Variants in PSD3 observed in about 807,000 individuals in gnomAD.
The protein encoded by PSD3 is PH and SEC7 domain-containing protein 3.
In PSD3, 49 loss-of-function variants were observed where a neutral mutation model predicts 105.5. The observed-to-expected ratio is 0.46, with a 90% CI of 0.37 to 0.59. The LOEUF is 0.59. Ranked by LOEUF, PSD3 falls within the 20% of genes least tolerant of loss-of-function variation. PSD3 has a pLI of 0.00. For synonymous variants in PSD3, 557 were observed against 457.8 expected, an observed-to-expected ratio of 1.22 and a Z score of -2.77; for missense variants, 1,561 against 1,263.8, an observed-to-expected ratio of 1.24 and a Z score of -3.57.
intron 4 of PSD3, among the ~76,000 whole-genome samples, chr8:18,829,382 T>A (rs1456838209): frequency 6.6e-6 from 1 of 152,162 alleles, no homozygotes; most frequent in Non-Finnish European, 1.5e-5. Context: ...AACCCAAGAA[T>A]CTTGAGATAC....
At chr8:18,556,444 G>A in intron 14 of PSD3, 92 bp from the exon 15 acceptor site, 2 of 1,360,180 alleles carry the variant, frequency 1.5e-6, no homozygotes, top group South Asian at 2.8e-5. Flanking sequence ...TGTGCTGAAT[G>A]ACTTTAATTC....
intron 9 of PSD3, among the ~76,000 whole-genome samples, chr8:18,756,987 C>A (rs1030536245): frequency 1.4e-5 from 2 of 143,338 alleles, no homozygotes; most frequent in East Asian, 4.0e-4. Context: ...ATTTAATTCT[C>A]CTAACCGCTC....
At chr8:18,850,162 G>A (rs1379558029) in intron 4 of PSD3, among the ~76,000 whole-genome samples, 1 of 152,206 alleles carries the variant, frequency 6.6e-6, no homozygotes, top group Non-Finnish European at 1.5e-5. Context: ...TGGATGAAAA[G>A]CATTGAAAAC....
intron 9 of PSD3, among the ~76,000 whole-genome samples, chr8:18,690,203 A>T (rs1800896337): frequency 6.6e-6 from 1 of 152,172 alleles, no homozygotes; most frequent in African/African-American, 2.4e-5. Flanking sequence ...CTGTACCAAT[A>T]GCGTAGGAAC....
At chr8:18,553,685 T>A (rs1367922076) in intron 15 of PSD3, among the ~76,000 whole-genome samples, 1 of 152,180 alleles carries the variant, frequency 6.6e-6, no homozygotes, top group East Asian at 1.9e-4. Context: ...AATAGCAAAG[T>A]GGACTCAATA....
intron 10 of PSD3, among the ~76,000 whole-genome samples, chr8:18,633,009 T>C (rs1373325926): frequency 6.6e-6 from 1 of 152,028 alleles, no homozygotes; most frequent in African/African-American, 2.4e-5. Context: ...ATAAGACTGA[T>C]ATTAATATCC....
At chr8:18,652,482 G>T (rs1808568517) in intron 10 of PSD3, among the ~76,000 whole-genome samples, 1 of 133,072 alleles carries the variant, frequency 7.5e-6, no homozygotes, top group Non-Finnish European at 1.6e-5. Context: ...TTTTATCAAG[G>T]AAAAAGCTTA....
chr8:18,573,796 G>A (rs1802305879), intron 13 of PSD3, among the ~76,000 whole-genome samples: 1 of 152,150 alleles, frequency 6.6e-6, no homozygotes, highest in African/African-American at 2.4e-5. Flanking sequence ...AGGTGAGAAT[G>A]GCAGTGACTA....
chr8:18,889,447 T>A (rs890157787), intron 2 of PSD3, among the ~76,000 whole-genome samples: 1 of 151,992 alleles, frequency 6.6e-6, no homozygotes, highest in Non-Finnish European at 1.5e-5. Flanking sequence ...TATTCCCCCA[T>A]CCTAAATCAC....
rs966142362 is a variant in PSD3, at chr8:18,723,549, A to G, written c.2172+41900T>C. On this transcript the variant is annotated intron_variant, in intron 9 of 15. Transcript: ENST00000327040. ...CATCCTGAAAGAAATACAAAAAGAC[A>G]TATGACAGAGTTCCCTTTCTATTTT... Among the ~76,000 whole-genome samples the G allele has an allele frequency of 5.9e-5, 9 of 152,216 alleles. No individual in the cohort carries two copies. The East Asian group carries it at 7.7e-4, about 13-fold the overall frequency.
At chr8:18,600,228 G>A (rs1804336634) in intron 12 of PSD3, 136 bp downstream of exon 12, 2 of 800,720 alleles carry the variant, frequency 2.5e-6, no homozygotes, top group African/African-American at 3.6e-5. Flanking sequence ...ATTCTCCGCT[G>A]AAAATTTTTT....
At chr8:18,635,974 G>A (rs1807219925) in intron 10 of PSD3, among the ~76,000 whole-genome samples, 1 of 152,102 alleles carries the variant, frequency 6.6e-6, no homozygotes, top group Non-Finnish European at 1.5e-5. Context: ...TGGTTTGATA[G>A]GTGCAGCAAA....
chr8:18,551,519 G>C (rs1328640584), intron 15 of PSD3, among the ~76,000 whole-genome samples: 1 of 152,122 alleles, frequency 6.6e-6, no homozygotes, highest in Non-Finnish European at 1.5e-5. Flanking sequence ...GAATGTCCTA[G>C]ATTTTTAAGA....
intron 11 of PSD3, among the ~76,000 whole-genome samples, chr8:18,626,777 G>A (rs1457385039): frequency 6.6e-6 from 1 of 152,120 alleles, no homozygotes; most frequent in African/African-American, 2.4e-5. Context: ...TGTTCAACCA[G>A]ACATGATTGA....
intron 9 of PSD3, among the ~76,000 whole-genome samples, chr8:18,681,560 A>G (rs1800393238): frequency 6.6e-6 from 1 of 152,116 alleles, no homozygotes; most frequent in South Asian, 2.1e-4. Flanking sequence ...AAATTGGAGG[A>G]AAACGTGTAA....
intron 1 of PSD3, among the ~76,000 whole-genome samples, chr8:18,990,813 T>C (rs1329843937): frequency 2.0e-5 from 3 of 152,164 alleles, no homozygotes; most frequent in Non-Finnish European, 4.4e-5. Context: ...CCCCTGATGA[T>C]CACATTCACG....
intron 12 of PSD3, among the ~76,000 whole-genome samples, chr8:18,580,568 C>A (rs1802749234): frequency 6.6e-6 from 1 of 151,880 alleles, no homozygotes; most frequent in African/African-American, 2.4e-5. Context: ...AACAAAAAAA[C>A]AAGCCCCCAA....
chr8:18,543,796 T>C (rs940341271), intron 15 of PSD3, among the ~76,000 whole-genome samples: 4 of 152,192 alleles, frequency 2.6e-5, no homozygotes, highest in Admixed American at 6.5e-5. Context: ...CAACTATTGA[T>C]ATTCTTTGAA....
At chr8:18,657,918 T>C (rs913548043) in intron 9 of PSD3, among the ~76,000 whole-genome samples, 2 of 152,230 alleles carry the variant, frequency 1.3e-5, no homozygotes, top group East Asian at 3.8e-4. Context: ...GCTAAACAGC[T>C]AAAATTTTTC....
Sources: allele counts gnomAD v4.1 joint callset (sites outside exome capture counted in the v4.1 genomes callset), GRCh38; gene constraint gnomAD v4.1.1; transcripts MANE v1.5; gene names NCBI Gene and HGNC (gene_info 2026-07-23, HGNC 2026-07-21).